The following SHTN1 variants were observed in gnomAD, a reference collection of about 807,000 sequenced individuals.
SHTN1 encodes the protein shootin 1, also known as shootin-1.
Under a neutral mutation model 83.1 loss-of-function variants are expected in SHTN1, and 42 were observed. That is an observed-to-expected ratio of 0.51 (90% confidence interval 0.39 to 0.65). The LOEUF (loss-of-function observed/expected upper bound fraction) is 0.65, where lower values mean the gene tolerates loss of function less well. SHTN1 is among the 30% of genes least tolerant of loss of function. The probability of loss-of-function intolerance (pLI) is 0.00; values close to 1 mark genes in which losing one functional copy is unlikely to be tolerated. For missense variants in SHTN1, 622 were observed against 737.8 expected, an observed-to-expected ratio of 0.84 and a Z score of 1.82; for synonymous variants, 224 against 247.7, an observed-to-expected ratio of 0.90 and a Z score of 0.90.
At chr10:117,106,089 G>A (rs762114808) in intron 1 of SHTN1, among the ~76,000 whole-genome samples, 1 of 152,042 alleles carries the variant, frequency 6.6e-6, no homozygotes, top group Non-Finnish European at 1.5e-5. Context: ...CAGCCTGGGC[G>A]ACAGAGACAG....
intron 1 of SHTN1, among the ~76,000 whole-genome samples, chr10:116,997,169 T>C (rs887818622): frequency 6.6e-6 from 1 of 152,204 alleles, no homozygotes; most frequent in Non-Finnish European, 1.5e-5. Context: ...GGCAGAGAAA[T>C]CTGCGAGTAG....
intron 2 of SHTN1, among the ~76,000 whole-genome samples, chr10:117,011,876 C>T (rs1441065000): frequency 2.6e-5 from 4 of 152,042 alleles, no homozygotes; most frequent in East Asian, 1.9e-4. Context: ...CGCGGTGGCT[C>T]ACGCCTGTAA....
chr10:117,034,207 C>A (rs1259610198), intron 2 of SHTN1, among the ~76,000 whole-genome samples: 1 of 152,050 alleles, frequency 6.6e-6, no homozygotes, highest in Non-Finnish European at 1.5e-5. Flanking sequence ...GAGAAAGAAA[C>A]AAAGGGCATC....
chr10:116,905,086 A>T (rs1170748370), intron 15 of SHTN1, among the ~76,000 whole-genome samples: 18 of 151,680 alleles, frequency 1.2e-4, no homozygotes, highest in Admixed American at 4.6e-4. Context: ...CTGTAGTCCC[A>T]GCTACTGGGG....
At chr10:116,900,609 C>A (rs1847696443) in intron 16 of SHTN1, 1 of 1,528,518 alleles carries the variant, frequency 6.5e-7, no homozygotes, top group Non-Finnish European at 8.7e-7. Flanking sequence ...ACTAACTTGT[C>A]TCAGCCAAAT....
intron 1 of SHTN1, among the ~76,000 whole-genome samples, chr10:117,055,282 C>T (rs1852811919): frequency 6.6e-6 from 1 of 152,204 alleles, no homozygotes; most frequent in African/African-American, 2.4e-5. Flanking sequence ...CAGAGCCCAA[C>T]CATATCAACT....
At chr10:116,988,575 G>T (rs1378377774) in intron 1 of SHTN1, among the ~76,000 whole-genome samples, 1 of 149,712 alleles carries the variant, frequency 6.7e-6, no homozygotes, top group East Asian at 2.0e-4. Flanking sequence ...TTGAGACAGG[G>T]TCTCACTCTG....
At chr10:116,939,674 A>G (rs1849295136) in intron 9 of SHTN1, among the ~76,000 whole-genome samples, 1 of 152,216 alleles carries the variant, frequency 6.6e-6, no homozygotes, top group Admixed American at 6.5e-5. Context: ...CCTCACCACC[A>G]AGTTTGTAAA....
At chr10:117,065,622 G>A (rs1311741800) in intron 1 of SHTN1, among the ~76,000 whole-genome samples, 2 of 150,412 alleles carry the variant, frequency 1.3e-5, no homozygotes, top group Non-Finnish European at 2.9e-5. Context: ...GGACGCTGAG[G>A]CATGAGAATT....
rs533497575 is a variant in SHTN1, at chr10:116,892,719, T to C, written c.1674-6153A>G. Reference sequence around the variant, plus strand: ...TTTCATAGAGCTATATAATAAAGAATATTACAAATGAAATGTGTTTATTGG... The same window carrying C: ...TTTCATAGAGCTATATAATAAAGAACATTACAAATGAAATGTGTTTATTGG... On this transcript the variant is annotated intron_variant, in intron 16 of 16. Coordinates refer to ENST00000355371, the MANE Select transcript of SHTN1 (RefSeq NM_001127211.3). Among the ~76,000 whole-genome samples, 4 of 152,338 alleles carry C rather than the reference T, an allele frequency of 2.6e-5. No homozygotes were observed. In the South Asian group the frequency reaches 8.3e-4, roughly 32 times the overall value.
chr10:117,031,824 G>A (rs1013709784), intron 2 of SHTN1, among the ~76,000 whole-genome samples: 18 of 151,930 alleles, frequency 1.2e-4, no homozygotes, highest in African/African-American at 4.3e-4. Context: ...AGGAAGAAAG[G>A]AAGTAAAGAA....
chr10:117,047,373 T>C (rs1349529703), intron 2 of SHTN1, among the ~76,000 whole-genome samples: 3 of 141,266 alleles, frequency 2.1e-5, no homozygotes, highest in Non-Finnish European at 4.5e-5. Context: ...CCCTCAAAAA[T>C]ATTTTTTTTT....
intron 1 of SHTN1, among the ~76,000 whole-genome samples, chr10:117,061,135 C>CTTTTT (rs5788206): frequency 8.6e-5 from 11 of 127,260 alleles, no homozygotes; most frequent in African/African-American, 8.4e-5. Flanking sequence ...AAGCTTTAGT[C>CTTTTT]TTTTTTTTTT....
chr10:116,908,444 A>G (rs1848059551), intron 14 of SHTN1, among the ~76,000 whole-genome samples: 2 of 152,200 alleles, frequency 1.3e-5, no homozygotes, highest in Admixed American at 6.5e-5. Flanking sequence ...CAAGATACAG[A>G]AAATAGAACC....
At chr10:117,055,169 G>A (rs2133591559) in intron 1 of SHTN1, among the ~76,000 whole-genome samples, 1 of 152,222 alleles carries the variant, frequency 6.6e-6, no homozygotes, top group Non-Finnish European at 1.5e-5. Context: ...ACTATCATGA[G>A]AACAGCATGA....
intron 1 of SHTN1, among the ~76,000 whole-genome samples, chr10:117,062,692 CTA>C (rs1852920518): frequency 6.6e-6 from 1 of 152,040 alleles, no homozygotes; most frequent in African/African-American, 2.4e-5. Context: ...CAAAGGGTAA[CTA>C]TTATTATTAG....
chr10:116,945,688 T>C (rs1235708662), intron 7 of SHTN1, among the ~76,000 whole-genome samples: 10 of 152,194 alleles, frequency 6.6e-5, no homozygotes, highest in Admixed American at 4.6e-4. Flanking sequence ...AAATTTGGTA[T>C]GCAGTGAAAA....
At chr10:116,994,660 A>G (rs1851565174) in intron 1 of SHTN1, among the ~76,000 whole-genome samples, 2 of 152,094 alleles carry the variant, frequency 1.3e-5, no homozygotes, top group South Asian at 4.1e-4. Context: ...ATGCCTTCCT[A>G]TTTGCTTTTG....
intron 12 of SHTN1, among the ~76,000 whole-genome samples, chr10:116,917,439 G>T (rs2133358155): frequency 6.6e-6 from 1 of 152,196 alleles, no homozygotes; most frequent in Non-Finnish European, 1.5e-5. Flanking sequence ...CGAGTAGCTG[G>T]GATTACAAGA....
Sources: allele counts gnomAD v4.1 joint callset (sites outside exome capture counted in the v4.1 genomes callset), GRCh38; gene constraint gnomAD v4.1.1; transcripts MANE v1.5; gene names NCBI Gene and HGNC (gene_info 2026-07-23, HGNC 2026-07-21).